Variants in VMP1 observed in about 807,000 individuals in gnomAD.
The protein encoded by VMP1 is vacuole membrane protein 1.
In VMP1, 11 loss-of-function variants were observed where a neutral mutation model predicts 56.0. The ratio of observed to expected loss-of-function variants is 0.20; its 90% CI spans 0.12 to 0.32. VMP1 has a LOEUF of 0.32. Among genes scored for constraint, VMP1 ranks in the 10% least tolerant of loss-of-function variants. The pLI, the probability that VMP1 is intolerant of heterozygous loss-of-function variation, is 1.00. For synonymous variants in VMP1, 149 were observed against 165.0 expected, an observed-to-expected ratio of 0.90 and a Z score of 0.74; for missense variants, 296 against 490.3, an observed-to-expected ratio of 0.60 and a Z score of 3.74.
chr17:59,717,102 C>T (rs1437707566), intron 1 of VMP1, among the ~76,000 whole-genome samples: 4 of 152,030 alleles, frequency 2.6e-5, no homozygotes. Flanking sequence ...TCTTCAACCT[C>T]CCGAGTAGCT....
chr17:59,821,649 T>C (rs796516243), intron 10 of VMP1, among the ~76,000 whole-genome samples: 2 of 149,138 alleles, frequency 1.3e-5, no homozygotes, highest in African/African-American at 5.0e-5. Flanking sequence ...GCCTCCTGGG[T>C]TCAAGCAATT....
rs34390960 is a variant in VMP1 at position 59,747,896 on chromosome 17, T to TA, written c.414+8959dup. 6.2e-4 allele frequency among the ~76,000 whole-genome samples: 87 copies of TA among 140,754 alleles called. 1 individual carries two copies. Among genetic ancestry groups the TA allele is most frequent in the East Asian group, 1.1e-3 (5 of 4,578 alleles). 92.3% of individuals were successfully genotyped at this position (140,754 alleles called of 152,430 possible). On this transcript the variant is annotated intron_variant, in intron 5 of 11. Transcript: ENST00000262291. ...TGTTACAGAGCGAAACCCTGTCTCT[T>TA]AAAAAAAAAAGCCTTTCCAGCCAGG...
intron 5 of VMP1, among the ~76,000 whole-genome samples, chr17:59,753,061 G>A (rs572868976): frequency 9.2e-4 from 140 of 152,098 alleles, no homozygotes; most frequent in Admixed American, 1.7e-3. Context: ...ACTTGAGGCC[G>A]GGAGTTCAAG....
chr17:59,753,358 T>C lies in VMP1; in HGVS notation c.415-11613T>C, dbSNP rs547880295. Reference sequence around the variant, plus strand: ...TAGCCACCTTGTAATTATTTCCCACTAATAGAAATATGATTCATAATTCTG... The same window carrying C: ...TAGCCACCTTGTAATTATTTCCCACCAATAGAAATATGATTCATAATTCTG... On this transcript the variant is annotated intron_variant, in intron 5 of 11. Transcript: ENST00000262291. Among the ~76,000 whole-genome samples, 50 of 152,302 alleles carry C rather than the reference T, an allele frequency of 3.3e-4. No individual in the cohort carries two copies. The South Asian group carries it at 3.7e-3, about 11-fold the overall frequency.
At chr17:59,798,975 G>C (rs569013228) in intron 7 of VMP1, among the ~76,000 whole-genome samples, 1 of 152,278 alleles carries the variant, frequency 6.6e-6, no homozygotes, top group African/African-American at 2.4e-5. Flanking sequence ...AACTGCCCTA[G>C]ATAATATAAA....
intron 5 of VMP1, among the ~76,000 whole-genome samples, chr17:59,756,566 ATGT>A (rs1330164600): frequency 1.3e-5 from 2 of 152,306 alleles, no homozygotes; most frequent in South Asian, 2.1e-4. Context: ...GACATTACAG[ATGT>A]TGTCCAAACA....
chr17:59,737,585 C>T, intron 4 of VMP1, 42 bp downstream of exon 4: 3 of 1,513,490 alleles, frequency 2.0e-6, no homozygotes, highest in Non-Finnish European at 2.7e-6. Context: ...TGCACATTCT[C>T]TAATTCTCTA....
intron 5 of VMP1, among the ~76,000 whole-genome samples, chr17:59,747,382 AC>A (rs2035460817): frequency 6.8e-6 from 1 of 146,682 alleles, no homozygotes; most frequent in Non-Finnish European, 1.5e-5. Flanking sequence ...ACAAAGCAAG[AC>A]CCCGGGTTTT....
chr17:59,833,927 G>A (rs975576050), intron 10 of VMP1: 1 of 151,972 alleles, frequency 6.6e-6, no homozygotes, highest in African/African-American at 2.4e-5. Context: ...GCTATCCCTG[G>A]TAGATTTAAA....
rs1021512669 is a variant in VMP1 at position 59,842,059 on chromosome 17, G to T, written c.*2148G>T. ...GTTCCTGCTGGATTCCAGCTGGAGC[G>T]GTGTGATACCCTTCTTTTTCAGCTG... On this transcript the variant is annotated 3_prime_UTR_variant, in exon 12 of 12. Coordinates refer to ENST00000262291, the MANE Select transcript of VMP1 (RefSeq NM_030938.5). 1 of 152,088 alleles carries T rather than the reference G, an allele frequency of 6.6e-6. No homozygotes were observed. Among genetic ancestry groups the T allele is most frequent in the Non-Finnish European group, 1.5e-5 (1 of 68,024 alleles). 9.4% of individuals were successfully genotyped at this position (152,088 alleles called of 1,614,324 possible). A position where few individuals can be genotyped will look rare whatever the true frequency, so the allele number is the denominator to read the frequency against.
chr17:59,784,100 AGTGTGTGTGTGT>A (rs536985526), intron 7 of VMP1, among the ~76,000 whole-genome samples: 2 of 139,108 alleles, frequency 1.4e-5, no homozygotes, highest in African/African-American at 2.7e-5. Flanking sequence ...CATCAAAAAG[AGTGTGTGTGTGT>A]GTGTGTGTGT....
chr17:59,763,769 G>A (rs2036140682), intron 5 of VMP1, among the ~76,000 whole-genome samples: 1 of 152,168 alleles, frequency 6.6e-6, no homozygotes, highest in Non-Finnish European at 1.5e-5. Context: ...CTGTGGGACT[G>A]TCTCATTTAT....
intron 5 of VMP1, among the ~76,000 whole-genome samples, chr17:59,760,503 T>C (rs1354514464): frequency 6.6e-6 from 1 of 152,194 alleles, no homozygotes; most frequent in African/African-American, 2.4e-5. Context: ...CCTGTAGATG[T>C]TTTATTTTTA....
intron 3 of VMP1, 89 bp from the exon 4 acceptor site, chr17:59,737,364 C>T: frequency 2.2e-6 from 3 of 1,341,580 alleles, no homozygotes; most frequent in Non-Finnish European, 3.1e-6. Flanking sequence ...AGCTAGGTAA[C>T]CTAACTGTTT....
intron 3 of VMP1, 40 bp from the exon 4 acceptor site, chr17:59,737,413 T>C (rs776898365): frequency 1.9e-6 from 3 of 1,577,072 alleles, no homozygotes; most frequent in Non-Finnish European, 2.6e-6. Flanking sequence ...ATGCTGAAAG[T>C]GAGACTGTGA....
chr17:59,809,452 G>A (rs1183589475), intron 8 of VMP1, among the ~76,000 whole-genome samples: 1 of 144,060 alleles, frequency 6.9e-6, no homozygotes, highest in Non-Finnish European at 1.5e-5. Flanking sequence ...AAAGTAGCTG[G>A]GATTTCAGGC....
At chr17:59,737,222 C>G (rs1457825332) in intron 3 of VMP1, among the ~76,000 whole-genome samples, 2 of 152,056 alleles carry the variant, frequency 1.3e-5, no homozygotes, top group African/African-American at 4.8e-5. Context: ...TAAGATCAGG[C>G]TTTGGGTAAG....
chr17:59,792,654 C>A (rs2037275863), intron 7 of VMP1, among the ~76,000 whole-genome samples: 2 of 150,842 alleles, frequency 1.3e-5, no homozygotes, highest in South Asian at 4.2e-4. Flanking sequence ...CACCTGAGGT[C>A]AAGAGTTCGA....
intron 7 of VMP1, among the ~76,000 whole-genome samples, chr17:59,774,941 AT>A (rs11354629): frequency 0.56 from 77,018 of 137,088 alleles, 21,269 homozygotes; most frequent in Non-Finnish European, 0.6. Context: ...TACAAAAAAA[AT>A]TTTTTTTTTT....
Sources: allele counts gnomAD v4.1 joint callset (sites outside exome capture counted in the v4.1 genomes callset), GRCh38; gene constraint gnomAD v4.1.1; transcripts MANE v1.5; gene names NCBI Gene and HGNC (gene_info 2026-07-23, HGNC 2026-07-21).